The following ZNF605 variants were observed in gnomAD, a reference collection of about 807,000 sequenced individuals.
The protein encoded by ZNF605 is zinc finger protein 605.
Under a neutral mutation model 7.9 loss-of-function variants are expected in ZNF605, and 9 were observed. The observed-to-expected ratio is 1.14, with a 90% CI of 0.68 to 1.98. ZNF605 has a LOEUF of 1.98. ZNF605 is among the 30% of genes most tolerant of loss of function. ZNF605 has a pLI of 0.00. For synonymous variants in ZNF605, 255 were observed against 260.1 expected, an observed-to-expected ratio of 0.98 and a Z score of 0.19; for missense variants, 673 against 762.4, an observed-to-expected ratio of 0.88 and a Z score of 1.38.
intron 3 of ZNF605, among the ~76,000 whole-genome samples, chr12:132,942,833 C>T (rs2137151463): frequency 6.6e-6 from 1 of 152,340 alleles, no homozygotes; most frequent in African/African-American, 2.4e-5. Context: ...GGGCGTCTTT[C>T]CTGGCATGGC....
chr12:132,944,310 A>G (rs1952476467), intron 3 of ZNF605, among the ~76,000 whole-genome samples: 1 of 152,132 alleles, frequency 6.6e-6, no homozygotes, highest in Admixed American at 6.6e-5. Context: ...AACATCAAAA[A>G]AAGAAAATAT....
intron 1 of ZNF605, among the ~76,000 whole-genome samples, chr12:132,955,434 G>A (rs1249815616): frequency 6.6e-6 from 1 of 152,166 alleles, no homozygotes; most frequent in African/African-American, 2.4e-5. Flanking sequence ...ATTTTGCTCC[G>A]ACCGCTCGGT....
chr12:132,939,830 C>A lies in ZNF605; in HGVS notation c.15+5791G>T, dbSNP rs932163672. Among the ~76,000 whole-genome samples, 13 of 150,764 alleles carry A rather than the reference C, an allele frequency of 8.6e-5. 1 individual carries two copies. The East Asian group carries it at 2.5e-3, about 29-fold the overall frequency. ...GAGCTGTAACACTCACCGCGAAGATCTGCAGCTTCACTCCTGAGCCAGCGA... is the reference window on the plus strand; with the variant it reads ...GAGCTGTAACACTCACCGCGAAGATATGCAGCTTCACTCCTGAGCCAGCGA... On this transcript the variant is annotated intron_variant, in intron 3 of 4. Coordinates refer to ENST00000360187, the MANE Select transcript of ZNF605 (RefSeq NM_183238.4).
rs984803256 is a variant in ZNF605 at position 132,919,940 on chromosome 12, C to G, written c.*5433G>C. ...CACTGCAACATCGGCTTCCTGGGTT[C>G]AAGCGATTCTCCTGCCTCAGCCTCC... On this transcript the variant is annotated 3_prime_UTR_variant, in exon 5 of 5. Coordinates refer to ENST00000360187, the MANE Select transcript of ZNF605 (RefSeq NM_183238.4). 4 of 151,840 alleles carry G rather than the reference C, an allele frequency of 2.6e-5. No homozygotes were observed. In the East Asian group the frequency reaches 7.8e-4, roughly 30 times the overall value. 9.4% of individuals were successfully genotyped at this position (151,840 alleles called of 1,614,324 possible). A position where few individuals can be genotyped will look rare whatever the true frequency, so the allele number is the denominator to read the frequency against.
At position 132,919,790 on chromosome 12, in the gene ZNF605, T is replaced by C. The variant is rs1952187160; in HGVS notation, c.*5583A>G. On this transcript the variant is annotated 3_prime_UTR_variant, in exon 5 of 5. Coordinates refer to ENST00000360187, the MANE Select transcript of ZNF605 (RefSeq NM_183238.4). ...AATGCCTCGATAGCTACATTCTTTT[T>C]GCTGTGCACATTTCGAGATTTAGGT... The C allele has an allele frequency of 6.6e-6, 1 of 152,214 alleles. No homozygotes were observed. The highest frequency in any genetic ancestry group is 2.4e-5 in the African/African-American group (1 of 41,460). The allele number at this position is 152,214 out of a possible 1,614,324, so 9.4% of individuals were successfully genotyped here.
intron 4 of ZNF605, 70 bp downstream of exon 4, chr12:132,932,965 A>C: frequency 6.6e-7 from 1 of 1,506,336 alleles, no homozygotes; most frequent in Non-Finnish European, 8.9e-7. Context: ...TAAAACTTAC[A>C]TCCAAAATAA....
rs1162079839 is a variant in ZNF605, at chr12:132,921,266, C to T, written c.*4107G>A. 6.6e-6 allele frequency: 1 copy of T among 152,170 alleles called. No homozygotes were observed. Among genetic ancestry groups the T allele is most frequent in the Non-Finnish European group, 1.5e-5 (1 of 68,032 alleles). 9.4% of individuals were successfully genotyped at this position (152,170 alleles called of 1,614,324 possible). A position where few individuals can be genotyped will look rare whatever the true frequency, so the allele number is the denominator to read the frequency against. On this transcript the variant is annotated 3_prime_UTR_variant, in exon 5 of 5. Coordinates refer to ENST00000360187, the MANE Select transcript of ZNF605 (RefSeq NM_183238.4). Reference sequence around the variant, plus strand: ...GATTACAGGTGTGAGACACCACCCCCAGTTGAAAAGTTACTTTGGATATAA... The same window carrying T: ...GATTACAGGTGTGAGACACCACCCCTAGTTGAAAAGTTACTTTGGATATAA...
chr12:132,922,492 T>C lies in ZNF605; in HGVS notation c.*2881A>G, dbSNP rs2137120141. On this transcript the variant is annotated 3_prime_UTR_variant, in exon 5 of 5. Transcript: ENST00000360187. ...ACAGATAGAAAATACTGATATGTAG[T>C]GTGGGGAATCTTGAGACATTTCAGC... The C allele has an allele frequency of 6.6e-6, 1 of 152,334 alleles. No individual in the cohort carries two copies. 9.4% of individuals were successfully genotyped at this position (152,334 alleles called of 1,614,324 possible).
At chr12:132,942,265 C>T (rs1952450643) in intron 3 of ZNF605, among the ~76,000 whole-genome samples, 1 of 152,170 alleles carries the variant, frequency 6.6e-6, no homozygotes, top group Non-Finnish European at 1.5e-5. Flanking sequence ...TTCTCCTCCT[C>T]CTAAAAAACC....
rs1261964413 is a variant in ZNF605, at chr12:132,920,576, G to A, written c.*4797C>T. 2 of 152,214 alleles carry A rather than the reference G, an allele frequency of 1.3e-5. No homozygotes were observed. Among genetic ancestry groups the A allele is most frequent in the Non-Finnish European group, 2.9e-5 (2 of 68,042 alleles). 9.4% of individuals were successfully genotyped at this position (152,214 alleles called of 1,614,324 possible). A position where few individuals can be genotyped will look rare whatever the true frequency, so the allele number is the denominator to read the frequency against. On this transcript the variant is annotated 3_prime_UTR_variant, in exon 5 of 5. Transcript: ENST00000360187. ...TATCATCACCAACTTCACAGATTTGGTCTCAAAGTAAATCTGCTACATACT... is the reference window on the plus strand; with the variant it reads ...TATCATCACCAACTTCACAGATTTGATCTCAAAGTAAATCTGCTACATACT...
In ZNF605 at chr12:132,924,735, G is replaced by A. The variant is rs770540645; in HGVS notation, c.*638C>T. ...GTCTAAAAACCATTACCTATTATAC[G>A]TATTGTATAGCTTCCAGTTGTTTAA... is the stretch of plus-strand genomic sequence containing the variant. On this transcript the variant is annotated 3_prime_UTR_variant, in exon 5 of 5. Coordinates refer to ENST00000360187, the MANE Select transcript of ZNF605 (RefSeq NM_183238.4). 3 of 152,182 alleles carry A rather than the reference G, an allele frequency of 2.0e-5. No homozygotes were observed. The highest frequency in any genetic ancestry group is 4.8e-5 in the African/African-American group (2 of 41,400). 9.4% of individuals were successfully genotyped at this position (152,182 alleles called of 1,614,324 possible).
chr12:132,923,722 T>C lies in ZNF605; in HGVS notation c.*1651A>G, dbSNP rs1389430832. The C allele has an allele frequency of 6.6e-6, 1 of 152,194 alleles. No homozygotes were observed. The highest frequency in any genetic ancestry group is 1.5e-5 in the Non-Finnish European group (1 of 68,030). The allele number at this position is 152,194 out of a possible 1,614,324, so 9.4% of individuals were successfully genotyped here. ...TTTGAGCTTCTTGAATATGTGGGGGTATTGTTTTCACCAGATTTGGAAAAT... is the reference window on the plus strand; with the variant it reads ...TTTGAGCTTCTTGAATATGTGGGGGCATTGTTTTCACCAGATTTGGAAAAT... On this transcript the variant is annotated 3_prime_UTR_variant, in exon 5 of 5. Coordinates refer to ENST00000360187, the MANE Select transcript of ZNF605 (RefSeq NM_183238.4).
chr12:132,950,119 C>T (rs1240259097), intron 1 of ZNF605, among the ~76,000 whole-genome samples: 1 of 152,014 alleles, frequency 6.6e-6, no homozygotes, highest in Admixed American at 6.6e-5. Context: ...TAGTTACTGG[C>T]ATCCAAACCT....
chr12:132,932,760 T>C (rs748494499), intron 4 of ZNF605: 1 of 1,536,854 alleles, frequency 6.5e-7, no homozygotes, highest in Non-Finnish European at 8.7e-7. Flanking sequence ...CCATGGATCT[T>C]GTTGTTCCAG....
At chr12:132,938,119 T>G (rs1952387198) in intron 3 of ZNF605, among the ~76,000 whole-genome samples, 4 of 152,090 alleles carry the variant, frequency 2.6e-5, no homozygotes, top group Admixed American at 2.6e-4. Context: ...TAGCTGGGAC[T>G]ACAGGCGCCT....
chr12:132,921,000 T>C lies in ZNF605; in HGVS notation c.*4373A>G, dbSNP rs188605137. ...TGCCACCATGCCCGGCTAATTTTTT[T>C]GTATTTAGTAGAGACGGGGTTTCAC... On this transcript the variant is annotated 3_prime_UTR_variant, in exon 5 of 5. Transcript: ENST00000360187. The C allele has an allele frequency of 6.6e-6, 1 of 152,392 alleles. No individual in the cohort carries two copies. Among genetic ancestry groups the C allele is most frequent in the African/African-American group, 2.4e-5 (1 of 41,584 alleles). 9.4% of individuals were successfully genotyped at this position (152,392 alleles called of 1,614,324 possible). A position where few individuals can be genotyped will look rare whatever the true frequency, so the allele number is the denominator to read the frequency against.
intron 2 of ZNF605, 127 bp from the exon 3 acceptor site, chr12:132,945,924 A>G (rs1447073047): frequency 1.7e-6 from 1 of 586,794 alleles, no homozygotes. Flanking sequence ...GGCTCACACC[A>G]GGGCTAGCGG....
intron 4 of ZNF605, among the ~76,000 whole-genome samples, chr12:132,929,145 T>C (rs1316046082): frequency 2.0e-5 from 3 of 152,012 alleles, no homozygotes; most frequent in African/African-American, 7.2e-5. Context: ...CGGTGACTGA[T>C]GCCTGGAATC....
At chr12:132,929,014 A>AAAAAC (rs1409037307) in intron 4 of ZNF605, among the ~76,000 whole-genome samples, 43 of 130,290 alleles carry the variant, frequency 3.3e-4, no homozygotes, top group African/African-American at 1.2e-3. Context: ...ACACAGGCTC[A>AAAAAC]AAAACAAAAC....
Sources: allele counts gnomAD v4.1 joint callset (sites outside exome capture counted in the v4.1 genomes callset), GRCh38; gene constraint gnomAD v4.1.1; transcripts MANE v1.5; gene names NCBI Gene and HGNC (gene_info 2026-07-23, HGNC 2026-07-21).